The following ULK4 variants were observed in gnomAD, a reference collection of about 807,000 sequenced individuals.
ULK4 encodes inactive serine/threonine-protein kinase ULK4.
ULK4 carries 133 observed loss-of-function variants against 160.6 expected under a neutral mutation model. That is an observed-to-expected ratio of 0.83 (90% CI 0.72 to 0.96). ULK4 has a LOEUF of 0.96. Among genes scored for constraint, ULK4 ranks in the 40% least tolerant of loss-of-function variants. The probability of loss-of-function intolerance (pLI) is 0.00; values close to 1 mark genes in which losing one functional copy is unlikely to be tolerated. For missense variants in ULK4, 1,580 were observed against 1,499.5 expected (o/e 1.05, Z -0.89); for synonymous variants, 534 against 539.8 (o/e 0.99, Z 0.15).
At chr3:41,495,744 C>G (rs2084964278) in intron 32 of ULK4, among the ~76,000 whole-genome samples, 1 of 151,568 alleles carries the variant, frequency 6.6e-6, no homozygotes. Flanking sequence ...AAAAAACAAA[C>G]AACCCCATCA....
intron 32 of ULK4, among the ~76,000 whole-genome samples, chr3:41,526,740 A>C (rs978208803): frequency 6.6e-6 from 1 of 152,342 alleles, no homozygotes; most frequent in Admixed American, 6.5e-5. Context: ...TATACTGCCC[A>C]TATTTCTAGA....
intron 35 of ULK4, among the ~76,000 whole-genome samples, chr3:41,342,142 G>C (rs1006478991): frequency 6.6e-6 from 1 of 152,104 alleles, no homozygotes; most frequent in African/African-American, 2.4e-5. Context: ...AAGCATATGG[G>C]GAGAGTAAAT....
intron 35 of ULK4, among the ~76,000 whole-genome samples, chr3:41,354,313 G>A (rs182430132): frequency 2.0e-5 from 3 of 152,166 alleles, no homozygotes. Context: ...GGCCTTATGA[G>A]ACCATGGAGT....
At chr3:41,653,501 C>T (rs558313528) in intron 30 of ULK4, among the ~76,000 whole-genome samples, 21 of 152,272 alleles carry the variant, frequency 1.4e-4, no homozygotes, top group African/African-American at 4.6e-4. Context: ...CCTCACCATA[C>T]CTGAATAATA....
intron 30 of ULK4, among the ~76,000 whole-genome samples, chr3:41,648,422 T>C (rs2034602553): frequency 6.6e-6 from 1 of 152,224 alleles, no homozygotes; most frequent in African/African-American, 2.4e-5. Context: ...AATAGAATTA[T>C]GTAAACAATA....
At position 41,912,885 on chromosome 3, in the gene ULK4, C is replaced by T. The variant is rs1698837779; in HGVS notation, c.818G>A (p.Arg273Lys). ...RDPQKRLTWT[R>K]LLQHSFWKKA... ...CTTCCAAAATGAATGCTGCAGTAGC[C>T]TTGTCCAAGTCAATCTTTAAAAAAC... Residue 273 changes from arginine (R) to lysine (K), a missense_variant, in exon 9 of 37, where the codon AGG becomes AAG. Physicochemically the swap from Arg to Lys is conservative, Grantham distance 26. Coordinates refer to ENST00000301831, the MANE Select transcript of ULK4 (RefSeq NM_017886.4). 1 of 1,613,926 alleles carries T rather than the reference C, an allele frequency of 6.2e-7. No individual in the cohort carries two copies. Among genetic ancestry groups the T allele is most frequent in the Non-Finnish European group, 8.5e-7 (1 of 1,180,000 alleles).
At chr3:41,858,966 T>C (rs147554188) in intron 17 of ULK4, among the ~76,000 whole-genome samples, 274 of 152,296 alleles carry the variant, frequency 1.8e-3, no homozygotes, top group African/African-American at 6.1e-3. Flanking sequence ...GGAGTATTAC[T>C]TGTCTTGCAG....
At chr3:41,553,488 A>C (rs2087158774) in intron 32 of ULK4, among the ~76,000 whole-genome samples, 1 of 152,178 alleles carries the variant, frequency 6.6e-6, no homozygotes, top group Non-Finnish European at 1.5e-5. Context: ...TATATGACAA[A>C]ATGCTTAACA....
intron 29 of ULK4, among the ~76,000 whole-genome samples, chr3:41,677,743 A>C (rs2035776336): frequency 6.6e-6 from 1 of 152,138 alleles, no homozygotes; most frequent in African/African-American, 2.4e-5. Flanking sequence ...ATTATGATAG[A>C]CGTTGTGATG....
chr3:41,712,868 G>A (rs897798980), intron 25 of ULK4, among the ~76,000 whole-genome samples: 1 of 151,948 alleles, frequency 6.6e-6, no homozygotes, highest in African/African-American at 2.4e-5. Context: ...TCCAGCCTGG[G>A]TGACAGAGCA....
intron 1 of ULK4, chr3:41,955,368 C>A (rs1237963525): frequency 6.5e-6 from 1 of 152,712 alleles, no homozygotes; most frequent in African/African-American, 2.4e-5. Context: ...GCTGCCCGTG[C>A]CTCTAGGGTG....
intron 32 of ULK4, among the ~76,000 whole-genome samples, chr3:41,552,159 G>A (rs1332857426): frequency 2.0e-5 from 3 of 151,964 alleles, no homozygotes; most frequent in Admixed American, 2.0e-4. Flanking sequence ...ACATCATGCT[G>A]TATGGTGGAA....
intron 34 of ULK4, among the ~76,000 whole-genome samples, chr3:41,438,850 C>A (rs766752420): frequency 6.6e-6 from 1 of 151,846 alleles, no homozygotes; most frequent in Admixed American, 6.6e-5. Context: ...AAAAGAAAAA[C>A]CTTCCGGGGC....
intron 35 of ULK4, among the ~76,000 whole-genome samples, chr3:41,368,981 T>C (rs1046781052): frequency 1.1e-4 from 17 of 152,226 alleles, no homozygotes; most frequent in Admixed American, 8.5e-4. Flanking sequence ...AGCATATGGT[T>C]CTCTTATACT....
rs186718377 is a variant in ULK4, at chr3:41,562,644, G to A, written c.3226+3381C>T. 3.7e-3 allele frequency among the ~76,000 whole-genome samples: 566 copies of A among 152,104 alleles called. 1 individual carries two copies. The highest frequency in any genetic ancestry group is 0.013 in the African/African-American group (520 of 41,492). On this transcript the variant is annotated intron_variant, in intron 32 of 36. Transcript: ENST00000301831. ...TTCTCTGTCTCTTTTCATCTTTGTT[G>A]GTTTAAAGTCTGTTTTATCAGAGAC...
chr3:41,281,729 G>C (rs1480849860), intron 35 of ULK4, among the ~76,000 whole-genome samples: 6 of 152,200 alleles, frequency 3.9e-5, no homozygotes, highest in African/African-American at 1.4e-4. Context: ...CATTGCCTTT[G>C]AAAACCAGCA....
At chr3:41,934,310 A>T (rs1031610463) in intron 4 of ULK4, among the ~76,000 whole-genome samples, 5 of 152,250 alleles carry the variant, frequency 3.3e-5, no homozygotes, top group Admixed American at 1.3e-4. Flanking sequence ...ACAATTCATT[A>T]TACAGGATTT....
At chr3:41,743,527 G>C (rs1047594302) in intron 22 of ULK4, among the ~76,000 whole-genome samples, 6 of 151,620 alleles carry the variant, frequency 4.0e-5, no homozygotes, top group African/African-American at 1.5e-4. Context: ...AAGAACATCA[G>C]AATGAGTAAG....
intron 27 of ULK4, among the ~76,000 whole-genome samples, chr3:41,704,529 A>C (rs1324737778): frequency 6.6e-6 from 1 of 152,150 alleles, no homozygotes; most frequent in Non-Finnish European, 1.5e-5. Context: ...CAAGCAGCTC[A>C]CCTAAGGATC....
Sources: allele counts gnomAD v4.1 joint callset (sites outside exome capture counted in the v4.1 genomes callset), GRCh38; gene constraint gnomAD v4.1.1; transcripts MANE v1.5; gene names NCBI Gene and HGNC (gene_info 2026-07-23, HGNC 2026-07-21).